The following NECTIN1 variants were observed in gnomAD, a reference collection of about 807,000 sequenced individuals.
NECTIN1 encodes the protein nectin-1.
NECTIN1 carries 23 observed loss-of-function variants against 48.0 expected under a neutral mutation model. That is an observed-to-expected ratio of 0.48 (90% CI 0.34 to 0.68). The LOEUF (loss-of-function observed/expected upper bound fraction) is 0.68. Among genes scored for constraint, NECTIN1 ranks in the 30% least tolerant of loss-of-function variants. NECTIN1 has a pLI of 0.01. For missense variants in NECTIN1, 591 were observed against 709.9 expected (o/e 0.83, Z 1.90); for synonymous variants, 270 against 288.9 (o/e 0.93, Z 0.66).
At position 119,664,337 on chromosome 11, in the gene NECTIN1, C is replaced by A; in HGVS notation, c.*410G>T. ...TGTGGGGAGCTTTTCCCTCTTAGAG[C>A]CCCTTGAGCCCTCCACCCCCAGTGA... On this transcript the variant is annotated 3_prime_UTR_variant, in exon 6 of 6. Transcript: ENST00000264025. 9.9e-7 allele frequency: 1 copy of A among 1,014,620 alleles called. No homozygotes were observed. The highest frequency in any genetic ancestry group is 1.2e-6 in the Non-Finnish European group (1 of 847,648). The allele number at this position is 1,014,620 out of a possible 1,614,324, so 62.9% of individuals were successfully genotyped here.
intron 1 of NECTIN1, among the ~76,000 whole-genome samples, chr11:119,690,736 T>C (rs1865239010): frequency 1.3e-5 from 2 of 152,146 alleles, no homozygotes; most frequent in South Asian, 4.1e-4. Context: ...TTCAGGCTTA[T>C]GTCTGAGTAG....
rs1311201800 is a variant in NECTIN1, at chr11:119,638,943, T to C, written c.1152-137A>G. Reference sequence around the variant, plus strand: ...GAGCTCTGCTTCCCAGGCAGCCTCCTGAGAGGCCAGAGCTTGGGCTGGGGC... The same window carrying C: ...GAGCTCTGCTTCCCAGGCAGCCTCCCGAGAGGCCAGAGCTTGGGCTGGGGC... On this transcript the variant is annotated intron_variant, in intron 6 of 7. Coordinates refer to the NECTIN1 transcript ENST00000341398. 3 of 777,272 alleles carry C rather than the reference T, an allele frequency of 3.9e-6. No homozygotes were observed. In the African/African-American group the frequency reaches 5.4e-5, roughly 14 times the overall value. 48.1% of individuals were successfully genotyped at this position (777,272 alleles called of 1,614,324 possible).
Position 119,663,191 on chromosome 11 carries a change from C to G in NECTIN1, c.*1556G>C. On this transcript the variant is annotated 3_prime_UTR_variant, in exon 6 of 6. Transcript: ENST00000264025. ...ATCCCAGTGGGCAGGCATGAAGGGCCGCGAAGCCTGCCTCTCCATCCCAGG... is the reference window on the plus strand; with the variant it reads ...ATCCCAGTGGGCAGGCATGAAGGGCGGCGAAGCCTGCCTCTCCATCCCAGG... The G allele has an allele frequency of 5.1e-6, 5 of 985,448 alleles. No individual in the cohort carries two copies. Among genetic ancestry groups the G allele is most frequent in the Non-Finnish European group, 6.0e-6 (5 of 829,944 alleles). 61.0% of individuals were successfully genotyped at this position (985,448 alleles called of 1,614,324 possible). A position where few individuals can be genotyped will look rare whatever the true frequency, so the allele number is the denominator to read the frequency against.
At chr11:119,668,136 A>C (rs1864805612) in intron 5 of NECTIN1, among the ~76,000 whole-genome samples, 1 of 152,066 alleles carries the variant, frequency 6.6e-6, no homozygotes, top group South Asian at 2.1e-4. Flanking sequence ...GCACACCCTC[A>C]TTTGGAATTC....
Position 119,677,422 on chromosome 11 carries a change from G to A in NECTIN1, c.733+133C>T, listed in dbSNP as rs943457819. 9 of 1,144,738 alleles carry A rather than the reference G, an allele frequency of 7.9e-6. No homozygotes were observed. The African/African-American group carries it at 1.4e-4, about 17-fold the overall frequency. The allele number at this position is 1,144,738 out of a possible 1,614,324, so 70.9% of individuals were successfully genotyped here. Reference sequence around the variant, plus strand: ...GGAAGGAGGAGAGAAAACGAGCAAAGGGAGGAGATAGGGGAGACAGGAGGG... The same window carrying A: ...GGAAGGAGGAGAGAAAACGAGCAAAAGGAGGAGATAGGGGAGACAGGAGGG... On this transcript the variant is annotated intron_variant, in intron 3 of 5. Transcript: ENST00000264025. This position sits in a 1 kb window ranked among gnomAD's most constrained non-coding sequence, Gnocchi z 5.4.
intron 1 of NECTIN1, among the ~76,000 whole-genome samples, chr11:119,700,884 A>G (rs1488516420): frequency 7.2e-5 from 11 of 152,188 alleles, no homozygotes; most frequent in Non-Finnish European, 1.6e-4. Flanking sequence ...CTCTTGCCCA[A>G]GTCAAAGAGC....
chr11:119,720,612 G>T (rs530596740), intron 1 of NECTIN1, among the ~76,000 whole-genome samples: 1 of 152,380 alleles, frequency 6.6e-6, no homozygotes, highest in South Asian at 2.1e-4. Flanking sequence ...ATCGAGAAGG[G>T]ACACGCTTGC....
At chr11:119,643,831 G>C (rs1024754414) in intron 5 of NECTIN1, among the ~76,000 whole-genome samples, 16 of 152,242 alleles carry the variant, frequency 1.1e-4, no homozygotes, top group African/African-American at 3.9e-4. Flanking sequence ...GTCGGGGGGT[G>C]GGGGTGGGGC....
intron 1 of NECTIN1, among the ~76,000 whole-genome samples, chr11:119,681,936 C>G (rs923314213): frequency 6.6e-6 from 1 of 151,990 alleles, no homozygotes; most frequent in Non-Finnish European, 1.5e-5. Context: ...GGGGAGGTGA[C>G]CCATGGGGTG....
downstream of NECTIN1, chr11:119,659,084 C>T (rs1176323730): frequency 1.3e-5 from 2 of 152,206 alleles, no homozygotes; most frequent in Non-Finnish European, 2.9e-5. Flanking sequence ...CAGATCCTCC[C>T]AAACACAATG....
At chr11:119,700,538 C>T (rs899048958) in intron 1 of NECTIN1, among the ~76,000 whole-genome samples, 1 of 152,180 alleles carries the variant, frequency 6.6e-6, no homozygotes, top group African/African-American at 2.4e-5. Context: ...TGCTCTGCAG[C>T]CACCCTCCAA....
At chr11:119,641,870 C>A (rs1259106049) in intron 5 of NECTIN1, 2 of 151,676 alleles carry the variant, frequency 1.3e-5, no homozygotes, top group Non-Finnish European at 1.5e-5. Context: ...CTACAGGGAC[C>A]CGCCACCAGG....
chr11:119,670,850 G>A (rs1255298032), intron 5 of NECTIN1, among the ~76,000 whole-genome samples: 1 of 151,922 alleles, frequency 6.6e-6, no homozygotes, highest in Non-Finnish European at 1.5e-5. Context: ...CGTTGGCCAG[G>A]CTGGTCTCGA....
Position 119,640,104 on chromosome 11 carries a change from G to A in NECTIN1, c.1004-92C>T, listed in dbSNP as rs1031560055. The A allele has an allele frequency of 3.7e-5, 50 of 1,368,648 alleles. 2 individuals carry two copies. In the Admixed American group the frequency reaches 9.6e-4, roughly 26 times the overall value. The allele number at this position is 1,368,648 out of a possible 1,614,324, so 84.8% of individuals were successfully genotyped here. A position where few individuals can be genotyped will look rare whatever the true frequency, so the allele number is the denominator to read the frequency against. On this transcript the variant is annotated intron_variant, in intron 5 of 7. Coordinates refer to the NECTIN1 transcript ENST00000341398. The stretch of plus-strand genomic sequence containing the variant: ...TGTGAGAGAGTCAGACCCTGAGGCA[G>A]TACTCTGCCTTTGACATTGCACCCC...
rs575394550 is a variant in NECTIN1, at chr11:119,677,697, C to A, written c.591G>T (p.Glu197Asp). The change falls in exon 3 of 6, where the codon GAG becomes GAT. Residue 197 changes from glutamate to aspartate, a missense_variant. Glu to Asp is a conservative substitution (Grantham distance 45). Coordinates refer to ENST00000264025, the MANE Select transcript of NECTIN1 (RefSeq NM_002855.5). The surrounding 1 kb of genome is among the most constrained non-coding windows in gnomAD (Gnocchi z 5.4). ...TRLKGEAEYQEIRNPNGTVTV... is the reference protein window; with the variant it reads ...TRLKGEAEYQDIRNPNGTVTV... ...TCACTGTGCCATTGGGGTTCCGGAT[C>A]TCCTGGTACTCTGCCTCACCTTTTA... is the stretch of plus-strand genomic sequence containing the variant. 1.2e-6 allele frequency: 2 copies of A among 1,614,170 alleles called. No individual in the cohort carries two copies. Among genetic ancestry groups the A allele is most frequent in the Non-Finnish European group, 1.7e-6 (2 of 1,180,034 alleles).
intron 1 of NECTIN1, among the ~76,000 whole-genome samples, chr11:119,699,485 G>A (rs1168059384): frequency 6.1e-4 from 2 of 3,276 alleles, no homozygotes; most frequent in African/African-American, 1.5e-3. Flanking sequence ...GGAGAGCAGA[G>A]GCCCCTGTCC....
intron 1 of NECTIN1, among the ~76,000 whole-genome samples, chr11:119,699,621 A>G (rs529685070): frequency 6.0e-4 from 91 of 152,264 alleles, no homozygotes; most frequent in Admixed American, 7.8e-4. Context: ...CTCCCTCATC[A>G]CACACAAACA....
rs182408460 is a variant in NECTIN1 at position 119,683,740 on chromosome 11, C to A, written c.80-4975G>T. On this transcript the variant is annotated intron_variant, in intron 1 of 5. Coordinates refer to ENST00000264025, the MANE Select transcript of NECTIN1 (RefSeq NM_002855.5). The surrounding 1 kb of genome is among the most constrained non-coding windows in gnomAD (Gnocchi z 4.0). ...TGCATCCCACAGATATCAAAAGAAT[C>A]AGTCTTTTTTTTTTTCCTGAACTCA... Among the ~76,000 whole-genome samples, 14 of 152,108 alleles carry A rather than the reference C, an allele frequency of 9.2e-5. No homozygotes were observed. The East Asian group carries it at 2.7e-3, about 29-fold the overall frequency.
chr11:119,709,085 C>T lies in NECTIN1; in HGVS notation c.79+19390G>A, dbSNP rs1046590752. On this transcript the variant is annotated intron_variant, in intron 1 of 5. Transcript: ENST00000264025. The surrounding 1 kb of genome is among the most constrained non-coding windows in gnomAD (Gnocchi z 4.1). ...CCGCCCACATAGCCAACATATCGCA[C>T]ATATCCTGCATGAGATGCCTGGGAC... 6.6e-6 allele frequency among the ~76,000 whole-genome samples: 1 copy of T among 152,066 alleles called. No individual in the cohort carries two copies. Among genetic ancestry groups the T allele is most frequent in the South Asian group, 2.1e-4 (1 of 4,810 alleles).
Sources: gnomAD v4.1 joint callset for allele counts (sites outside exome capture counted in the v4.1 genomes callset) on GRCh38, gnomAD v4.1.1 for gene constraint, Gnocchi (gnomAD v3.1) non-coding constraint, MANE v1.5 for transcripts, NCBI Gene and HGNC (gene_info 2026-07-23, HGNC 2026-07-21) for gene names.